The following CHRM3 variants were observed in gnomAD, a reference collection of about 807,000 sequenced individuals.
CHRM3 encodes cholinergic receptor muscarinic 3, also known as muscarinic acetylcholine receptor M3.
A neutral mutation model predicts 41.8 loss-of-function variants in CHRM3; 11 were observed. The ratio of observed to expected loss-of-function variants is 0.26; its 90% CI spans 0.17 to 0.44. The LOEUF is 0.44. CHRM3 is among the 20% of genes least tolerant of loss of function. CHRM3 has a pLI of 1.00. For missense variants in CHRM3, 571 were observed against 745.4 expected (o/e 0.77, Z 2.72); for synonymous variants, 297 against 301.4 (o/e 0.99, Z 0.15).
intron 5 of CHRM3, among the ~76,000 whole-genome samples, chr1:239,753,542 T>C (rs929852409): frequency 3.9e-5 from 6 of 152,240 alleles, no homozygotes; most frequent in African/African-American, 1.4e-4. Flanking sequence ...GAGAACTTAC[T>C]CACTATTACA....
chr1:239,849,913 C>A (rs1250422300), intron 6 of CHRM3, among the ~76,000 whole-genome samples: 1 of 152,182 alleles, frequency 6.6e-6, no homozygotes, highest in Non-Finnish European at 1.5e-5. Flanking sequence ...CCTCACCTGG[C>A]AAACCCAGGT....
chr1:239,881,849 G>A (rs547735870), intron 6 of CHRM3, among the ~76,000 whole-genome samples: 1 of 152,174 alleles, frequency 6.6e-6, no homozygotes, highest in South Asian at 2.1e-4. Context: ...GAGGTATTTA[G>A]ATATATAGAG....
rs185882515 is a variant in CHRM3, at chr1:239,885,737, G to A, written c.-19-21696G>A. ...AATCCTCCCTAAATTCAACACCTGC[G>A]CTGACCTTCCCCTTCAAGGTCCCAT... On this transcript the variant is annotated intron_variant, in intron 6 of 6. Coordinates refer to ENST00000676153, the MANE Select transcript of CHRM3 (RefSeq NM_001375978.1). 3.2e-4 allele frequency among the ~76,000 whole-genome samples: 48 copies of A among 152,202 alleles called. 1 individual carries two copies. In the South Asian group the frequency reaches 3.9e-3, roughly 13 times the overall value.
At chr1:239,528,696 C>A (rs1209243738) in intron 2 of CHRM3, among the ~76,000 whole-genome samples, 1 of 152,130 alleles carries the variant, frequency 6.6e-6, no homozygotes, top group East Asian at 1.9e-4. Context: ...AGTTTGATAC[C>A]AGCCCTGCCA....
intron 5 of CHRM3, among the ~76,000 whole-genome samples, chr1:239,753,137 C>T (rs779651935): frequency 1.3e-5 from 2 of 152,046 alleles, no homozygotes; most frequent in Non-Finnish European, 2.9e-5. Context: ...TTATAGCGAG[C>T]ACAAAAATCC....
chr1:239,552,512 TA>T (rs1659962620), intron 3 of CHRM3, among the ~76,000 whole-genome samples: 1 of 147,266 alleles, frequency 6.8e-6, no homozygotes, highest in Non-Finnish European at 1.5e-5. Flanking sequence ...ATATTTTATA[TA>T]TATATATATA....
chr1:239,707,035 G>T (rs1661257510), intron 5 of CHRM3: 1 of 152,214 alleles, frequency 6.6e-6, no homozygotes, highest in Admixed American at 6.5e-5. Flanking sequence ...AGACTTTGGA[G>T]TCTGGCAGTC....
intron 1 of CHRM3, among the ~76,000 whole-genome samples, chr1:239,418,008 G>A (rs1018065062): frequency 4.6e-5 from 7 of 152,188 alleles, no homozygotes; most frequent in Admixed American, 4.6e-4. Flanking sequence ...CGCTTAGACT[G>A]TAGTGCCGGG....
chr1:239,491,230 T>C (rs1667531812), intron 1 of CHRM3, among the ~76,000 whole-genome samples: 1 of 152,174 alleles, frequency 6.6e-6, no homozygotes, highest in South Asian at 2.1e-4. Context: ...TATGTAAAAA[T>C]ATACAATAAA....
Position 239,668,471 on chromosome 1 carries a change from A to G in CHRM3, c.-249-9715A>G, listed in dbSNP as rs145149924. ...TGTTTAGTCTGAGCATTGCTTCCAG[A>G]TACCTTTTACATAAAGACCATCTCT... On this transcript the variant is annotated intron_variant, in intron 4 of 6. Coordinates refer to ENST00000676153, the MANE Select transcript of CHRM3 (RefSeq NM_001375978.1). Among the ~76,000 whole-genome samples, 6 of 152,276 alleles carry G rather than the reference A, an allele frequency of 3.9e-5. No homozygotes were observed. The East Asian group carries it at 1.2e-3, about 29-fold the overall frequency.
intron 6 of CHRM3, among the ~76,000 whole-genome samples, chr1:239,864,538 A>ACACACG: frequency 7.0e-6 from 1 of 143,384 alleles, no homozygotes; most frequent in Non-Finnish European, 1.5e-5. Context: ...ACACACACAC[A>ACACACG]CACACACGCA....
At chr1:239,549,963 T>C (rs1424930018) in intron 3 of CHRM3, among the ~76,000 whole-genome samples, 1 of 151,622 alleles carries the variant, frequency 6.6e-6, no homozygotes, top group Non-Finnish European at 1.5e-5. Context: ...TCAAGTAGGC[T>C]GTATTGTGGG....
chr1:239,876,691 T>G (rs1378013382), intron 6 of CHRM3, among the ~76,000 whole-genome samples: 1 of 152,112 alleles, frequency 6.6e-6, no homozygotes, highest in Non-Finnish European at 1.5e-5. Flanking sequence ...CCTGTTCTGG[T>G]CAATCACATG....
At chr1:239,808,242 A>G (rs1327207990) in intron 5 of CHRM3, among the ~76,000 whole-genome samples, 1 of 152,122 alleles carries the variant, frequency 6.6e-6, no homozygotes, top group Non-Finnish European at 1.5e-5. Flanking sequence ...GATGTGCAGA[A>G]AGGAATTGCA....
At chr1:239,497,485 G>A (rs1667959854) in intron 2 of CHRM3, among the ~76,000 whole-genome samples, 1 of 152,112 alleles carries the variant, frequency 6.6e-6, no homozygotes, top group Non-Finnish European at 1.5e-5. Flanking sequence ...TGTTTCCCCA[G>A]TACGTTACTT....
intron 3 of CHRM3, among the ~76,000 whole-genome samples, chr1:239,606,560 C>T (rs1666316563): frequency 6.6e-6 from 1 of 152,194 alleles, no homozygotes; most frequent in Admixed American, 6.5e-5. Context: ...AGGCGTGAGC[C>T]ATCGCGCCTG....
intron 3 of CHRM3, among the ~76,000 whole-genome samples, chr1:239,616,076 C>T (rs552338796): frequency 6.6e-6 from 1 of 152,182 alleles, no homozygotes; most frequent in South Asian, 2.1e-4. Flanking sequence ...AATGAAAGAA[C>T]CTTAAATAAA....
At chr1:239,395,480 T>C (rs1396448679) in intron 1 of CHRM3, among the ~76,000 whole-genome samples, 1 of 152,156 alleles carries the variant, frequency 6.6e-6, no homozygotes, top group Non-Finnish European at 1.5e-5. Context: ...CTCCTACATT[T>C]AGCCAGGTAC....
At chr1:239,755,428 G>C (rs1385751728) in intron 5 of CHRM3, among the ~76,000 whole-genome samples, 2 of 152,100 alleles carry the variant, frequency 1.3e-5, no homozygotes, top group African/African-American at 4.8e-5. Flanking sequence ...AAAACCTTCA[G>C]ACTATCCTCA....
Sources: gnomAD v4.1 joint callset for allele counts (sites outside exome capture counted in the v4.1 genomes callset) on GRCh38, gnomAD v4.1.1 for gene constraint, MANE v1.5 for transcripts, NCBI Gene and HGNC (gene_info 2026-07-23, HGNC 2026-07-21) for gene names.